Variants in FHIT observed in about 807,000 individuals in gnomAD.
FHIT encodes the protein bis(5'-adenosyl)-triphosphatase.
A neutral mutation model predicts 17.9 loss-of-function variants in FHIT; 19 were observed. That is an observed-to-expected ratio of 1.06 (90% CI 0.74 to 1.56). The LOEUF (loss-of-function observed/expected upper bound fraction) is 1.56, where lower values mean the gene tolerates loss of function less well. FHIT is among the 40% of genes most tolerant of loss of function. The probability of loss-of-function intolerance (pLI) is 0.00; values close to 1 mark genes in which losing one functional copy is unlikely to be tolerated. For synonymous variants in FHIT, 81 were observed against 69.7 expected, an observed-to-expected ratio of 1.16 and a Z score of -0.81; for missense variants, 248 against 189.2, an observed-to-expected ratio of 1.31 and a Z score of -1.82.
intron 5 of FHIT, among the ~76,000 whole-genome samples, chr3:60,158,326 T>C (rs541685374): frequency 6.7e-6 from 1 of 148,950 alleles, no homozygotes; most frequent in Non-Finnish European, 1.5e-5. Flanking sequence ...TTCTCTCTCT[T>C]TTTTTTTTTT....
chr3:60,803,994 C>T (rs144690335), intron 4 of FHIT, among the ~76,000 whole-genome samples: 72 of 152,342 alleles, frequency 4.7e-4, no homozygotes, highest in African/African-American at 1.7e-3. Context: ...TCCAACCAAA[C>T]ACATGCAACT....
intron 5 of FHIT, among the ~76,000 whole-genome samples, chr3:60,147,197 AC>A (rs1375392748): frequency 6.6e-6 from 1 of 152,224 alleles, no homozygotes; most frequent in Non-Finnish European, 1.5e-5. Context: ...AAAGCCTCCA[AC>A]AATACAAAGC....
intron 5 of FHIT, among the ~76,000 whole-genome samples, chr3:60,197,776 C>G (rs1702713342): frequency 6.6e-6 from 1 of 152,180 alleles, no homozygotes; most frequent in African/African-American, 2.4e-5. Context: ...GCCCTTAGTT[C>G]TGGCTTATAA....
chr3:60,170,726 C>T (rs1483771821), intron 5 of FHIT, among the ~76,000 whole-genome samples: 2 of 152,134 alleles, frequency 1.3e-5, no homozygotes, highest in African/African-American at 4.8e-5. Flanking sequence ...AAAAAAATAA[C>T]ATTCTCCCAT....
chr3:60,509,738 C>G (rs528601739), intron 5 of FHIT, among the ~76,000 whole-genome samples: 4 of 152,342 alleles, frequency 2.6e-5, no homozygotes, highest in African/African-American at 9.6e-5. Context: ...GCAATCCAGA[C>G]TAGTCTTTCA....
intron 5 of FHIT, among the ~76,000 whole-genome samples, chr3:60,150,204 T>A (rs1000028796): frequency 4.6e-5 from 7 of 151,812 alleles, no homozygotes; most frequent in Admixed American, 2.0e-4. Flanking sequence ...TCCATATTGG[T>A]CAGGCTGGTC....
chr3:60,390,098 CAAAG>C (rs1701161675), intron 5 of FHIT, among the ~76,000 whole-genome samples: 1 of 151,946 alleles, frequency 6.6e-6, no homozygotes, highest in Non-Finnish European at 1.5e-5. Context: ...TGAATAATAC[CAAAG>C]AAAGAAAATG....
chr3:60,815,692 T>G (rs12330455), intron 4 of FHIT, among the ~76,000 whole-genome samples: 1,936 of 152,234 alleles, frequency 0.013, 45 homozygotes, highest in African/African-American at 0.043. Flanking sequence ...TCTTTTTGTT[T>G]AAGTTTGCTT....
chr3:60,739,236 G>A (rs976494830), intron 4 of FHIT, among the ~76,000 whole-genome samples: 3 of 152,204 alleles, frequency 2.0e-5, no homozygotes. Flanking sequence ...ACAAGAGCTT[G>A]GGATACAGAA....
chr3:60,143,005 C>T (rs73831598), intron 5 of FHIT, among the ~76,000 whole-genome samples: 5,918 of 152,212 alleles, frequency 0.039, 391 homozygotes, highest in African/African-American at 0.13. Context: ...TAAGCAGCTA[C>T]TAGTTTGTCT....
At chr3:59,771,348 C>T (rs1702064203) in intron 8 of FHIT, among the ~76,000 whole-genome samples, 1 of 152,078 alleles carries the variant, frequency 6.6e-6, no homozygotes, top group Non-Finnish European at 1.5e-5. Context: ...CAACCTTTAT[C>T]CAGGAGGAAA....
At chr3:60,998,217 T>G (rs562517300) in intron 3 of FHIT, among the ~76,000 whole-genome samples, 2 of 152,342 alleles carry the variant, frequency 1.3e-5, no homozygotes, top group African/African-American at 4.8e-5. Context: ...AGCCATCACT[T>G]TCCAAGGATA....
chr3:60,569,350 T>C (rs550132677), intron 4 of FHIT, among the ~76,000 whole-genome samples: 94 of 152,264 alleles, frequency 6.2e-4, no homozygotes, highest in African/African-American at 2.2e-3. Flanking sequence ...GATAAAGTGA[T>C]TGAGAACTGA....
At chr3:60,166,977 G>A (rs1476841445) in intron 5 of FHIT, among the ~76,000 whole-genome samples, 3 of 152,132 alleles carry the variant, frequency 2.0e-5, no homozygotes, top group African/African-American at 7.2e-5. Context: ...ATGCACCTGT[G>A]AGACTACTTT....
intron 5 of FHIT, among the ~76,000 whole-genome samples, chr3:60,202,644 T>C (rs185226010): frequency 8.5e-5 from 13 of 152,242 alleles, no homozygotes; most frequent in Admixed American, 5.9e-4. Flanking sequence ...CAGGAGAACA[T>C]ATCTTCACAA....
intron 5 of FHIT, among the ~76,000 whole-genome samples, chr3:60,270,980 G>C (rs1001922882): frequency 6.6e-6 from 1 of 152,114 alleles, no homozygotes; most frequent in African/African-American, 2.4e-5. Flanking sequence ...CAGTAATAGA[G>C]GACTTATGCT....
intron 3 of FHIT, among the ~76,000 whole-genome samples, chr3:60,999,836 G>A (rs905506593): frequency 6.6e-6 from 1 of 152,112 alleles, no homozygotes; most frequent in Non-Finnish European, 1.5e-5. Flanking sequence ...ATTTATGATA[G>A]TTCTGGAGAC....
chr3:60,159,420 C>A (rs940815976), intron 5 of FHIT, among the ~76,000 whole-genome samples: 1 of 152,074 alleles, frequency 6.6e-6, no homozygotes, highest in African/African-American at 2.4e-5. Flanking sequence ...AATGCCCAGC[C>A]GATGTGTGTT....
At chr3:60,187,337 G>C (rs938647503) in intron 5 of FHIT, among the ~76,000 whole-genome samples, 1 of 152,188 alleles carries the variant, frequency 6.6e-6, no homozygotes. Flanking sequence ...CAGAATTGAA[G>C]TGGATGAGGC....
Sources: allele counts gnomAD v4.1 joint callset (sites outside exome capture counted in the v4.1 genomes callset), GRCh38; gene constraint gnomAD v4.1.1; transcripts MANE v1.5; gene names NCBI Gene and HGNC (gene_info 2026-07-23, HGNC 2026-07-21).